The following RSF1 variants were observed in gnomAD, a reference collection of about 807,000 sequenced individuals.
RSF1 encodes HBV pX-associated protein 8.
A neutral mutation model predicts 145.2 loss-of-function variants in RSF1; 13 were observed. The ratio of observed to expected loss-of-function variants is 0.09; its 90% CI spans 0.06 to 0.14. RSF1 has a LOEUF of 0.14. Ranked by LOEUF, RSF1 falls within the 10% of genes least tolerant of loss-of-function variation. The pLI, the probability that RSF1 is intolerant of heterozygous loss-of-function variation, is 1.00. For missense variants in RSF1, 1,517 were observed against 1,718.2 expected, an observed-to-expected ratio of 0.88 and a Z score of 2.07; for synonymous variants, 577 against 592.6, an observed-to-expected ratio of 0.97 and a Z score of 0.38.
At chr11:77,803,009 T>C (rs1228752326) in intron 1 of RSF1, among the ~76,000 whole-genome samples, 1 of 151,974 alleles carries the variant, frequency 6.6e-6, no homozygotes, top group Non-Finnish European at 1.5e-5. Flanking sequence ...CAGCAACATA[T>C]GAAAGACATT....
At chr11:77,820,217 G>T (rs1012768490) in intron 1 of RSF1, among the ~76,000 whole-genome samples, 5 of 152,140 alleles carry the variant, frequency 3.3e-5, no homozygotes, top group African/African-American at 1.2e-4. Flanking sequence ...GCCCTCCGCC[G>T]CGGAGAAGCA....
chr11:77,850,376 G>A, the RSF1 span, among the ~76,000 whole-genome samples: 3 of 152,094 alleles, frequency 2.0e-5, no homozygotes, highest in Non-Finnish European at 2.9e-5. Context: ...TTGAGCATAA[G>A]TTGTTCTTTC....
intron 2 of RSF1, among the ~76,000 whole-genome samples, chr11:77,749,899 C>G (rs1948043085): frequency 6.6e-6 from 1 of 152,116 alleles, no homozygotes; most frequent in South Asian, 2.1e-4. Context: ...CAGGCGCCCA[C>G]CACCATGCCT....
At chr11:77,852,592 A>AAG in the RSF1 span, among the ~76,000 whole-genome samples, 1 of 152,152 alleles carries the variant, frequency 6.6e-6, no homozygotes, top group African/African-American at 2.4e-5. Flanking sequence ...CACAAATCCA[A>AAG]ACCATATCAT....
intron 1 of RSF1, among the ~76,000 whole-genome samples, chr11:77,793,116 A>G (rs1243162367): frequency 6.6e-6 from 1 of 152,256 alleles, no homozygotes; most frequent in East Asian, 1.9e-4. Flanking sequence ...AACATCACAT[A>G]TCAATAATAA....
At chr11:77,755,630 A>T (rs895997536) in intron 2 of RSF1, among the ~76,000 whole-genome samples, 4 of 151,006 alleles carry the variant, frequency 2.6e-5, no homozygotes, top group African/African-American at 9.7e-5. Flanking sequence ...CCCAGGCTGG[A>T]GTGCCATGGA....
In RSF1 at chr11:77,812,039, G is replaced by A. The variant is rs188054175; in HGVS notation, c.187+8489C>T. ...AAATACAAAAAATTTTTAGCTGGGT[G>A]TGGTGGCACATGCCTGTAGTCCCCA... On this transcript the variant is annotated intron_variant, in intron 1 of 15. Transcript: ENST00000308488. Among the ~76,000 whole-genome samples the A allele has an allele frequency of 2.9e-3, 435 of 152,234 alleles. 5 individuals are homozygous for A. The highest frequency in any genetic ancestry group is 0.01 in the African/African-American group (418 of 41,540).
At chr11:77,757,876 T>G (rs996370392) in intron 2 of RSF1, among the ~76,000 whole-genome samples, 1 of 152,150 alleles carries the variant, frequency 6.6e-6, no homozygotes, top group African/African-American at 2.4e-5. Flanking sequence ...TGGCTCATGC[T>G]TGTAATCTCA....
In RSF1 at chr11:77,662,358, T is replaced by C. The variant is rs947305178; in HGVS notation, c.*4559A>G. Reference sequence around the variant, plus strand: ...AAAAGGAGGAAAAAAGGTCCACAAATTGGATCCTCTTCTAATCGACTTCCA... The same window carrying C: ...AAAAGGAGGAAAAAAGGTCCACAAACTGGATCCTCTTCTAATCGACTTCCA... On this transcript the variant is annotated 3_prime_UTR_variant, in exon 16 of 16. Coordinates refer to ENST00000308488, the MANE Select transcript of RSF1 (RefSeq NM_016578.4). The C allele has an allele frequency of 6.6e-6, 1 of 152,036 alleles. No homozygotes were observed. The highest frequency in any genetic ancestry group is 1.5e-5 in the Non-Finnish European group (1 of 67,976). 9.4% of individuals were successfully genotyped at this position (152,036 alleles called of 1,614,324 possible).
At chr11:77,696,870 T>C (rs1036014477) in intron 7 of RSF1, among the ~76,000 whole-genome samples, 5 of 152,222 alleles carry the variant, frequency 3.3e-5, no homozygotes, top group Admixed American at 6.5e-5. Flanking sequence ...GGTTCTATCT[T>C]TTACTTGAGC....
At chr11:77,812,003 G>T (rs1380232678) in intron 1 of RSF1, among the ~76,000 whole-genome samples, 1 of 152,102 alleles carries the variant, frequency 6.6e-6, no homozygotes. Flanking sequence ...ATGAAACTCT[G>T]TCTCTACTAA....
chr11:77,737,621 GGTGTGTGTGTGT>G (rs1170824350), intron 4 of RSF1, among the ~76,000 whole-genome samples: 2 of 93,496 alleles, frequency 2.1e-5, no homozygotes, highest in Non-Finnish European at 4.5e-5. Context: ...TGTTTTGGGG[GGTGTGTGTGTGT>G]GTGTGTGTGT....
At chr11:77,807,236 G>A (rs1012175642) in intron 1 of RSF1, among the ~76,000 whole-genome samples, 3 of 152,064 alleles carry the variant, frequency 2.0e-5, no homozygotes, top group Non-Finnish European at 4.4e-5. Context: ...TTCCCATGCC[G>A]TTCCCTGCCT....
chr11:77,726,892 T>C (rs558665803), intron 4 of RSF1, among the ~76,000 whole-genome samples: 1 of 152,308 alleles, frequency 6.6e-6, no homozygotes, highest in East Asian at 1.9e-4. Context: ...TTGTATATCC[T>C]CATTAGGCCT....
intron 1 of RSF1, among the ~76,000 whole-genome samples, chr11:77,798,581 TAAAAAAAAAAAAAAA>T (rs543236647): frequency 2.3e-3 from 56 of 24,490 alleles, no homozygotes; most frequent in South Asian, 6.1e-3. Context: ...GACTCCATCT[TAAAAAAAAAAAAAAA>T]AAAAAAAAAA....
intron 2 of RSF1, among the ~76,000 whole-genome samples, chr11:77,758,755 A>G (rs895298435): frequency 6.6e-6 from 1 of 152,188 alleles, no homozygotes; most frequent in African/African-American, 2.4e-5. Context: ...AGAAATGTCT[A>G]TTAAAAATTT....
intron 2 of RSF1, among the ~76,000 whole-genome samples, chr11:77,756,075 A>T (rs1018787471): frequency 2.0e-5 from 3 of 152,174 alleles, no homozygotes; most frequent in African/African-American, 7.2e-5. Context: ...GAAACTTTTC[A>T]GGCCAGGCGT....
chr11:77,784,194 T>A (rs1432950873), intron 1 of RSF1, among the ~76,000 whole-genome samples: 1 of 152,210 alleles, frequency 6.6e-6, no homozygotes, highest in Non-Finnish European at 1.5e-5. Context: ...TATTTTCAGT[T>A]CTCTTTCTCA....
intron 5 of RSF1, among the ~76,000 whole-genome samples, chr11:77,715,997 T>G (rs989947767): frequency 6.6e-6 from 1 of 152,126 alleles, no homozygotes; most frequent in African/African-American, 2.4e-5. Flanking sequence ...TTCTAGAAAT[T>G]GCCCACAAGT....
Sources: allele counts gnomAD v4.1 joint callset (sites outside exome capture counted in the v4.1 genomes callset), GRCh38; gene constraint gnomAD v4.1.1; transcripts MANE v1.5; gene names NCBI Gene and HGNC (gene_info 2026-07-23, HGNC 2026-07-21).